GABRB1: variants seen among roughly 807,000 people sequenced by gnomAD.
GABRB1 encodes gamma-aminobutyric acid type A receptor subunit beta1, also known as gamma-aminobutyric acid receptor subunit beta-1.
GABRB1 carries 17 observed loss-of-function variants against 51.6 expected under a neutral mutation model. The observed-to-expected ratio is 0.33, with a 90% confidence interval of 0.23 to 0.49. The LOEUF (loss-of-function observed/expected upper bound fraction) is 0.49, where lower values mean the gene tolerates loss of function less well. Ranked by LOEUF, GABRB1 falls within the 20% of genes least tolerant of loss-of-function variation. GABRB1 has a pLI of 0.99. For missense variants in GABRB1, 410 were observed against 600.6 expected (o/e 0.68, Z 3.32); for synonymous variants, 247 against 218.9 (o/e 1.13, Z -1.14).
At chr4:47,410,194 A>G (rs1728713230) in intron 8 of GABRB1, among the ~76,000 whole-genome samples, 1 of 152,224 alleles carries the variant, frequency 6.6e-6, no homozygotes, top group Admixed American at 6.5e-5. Context: ...ATCCATGGAA[A>G]GTTAGACTAC....
At chr4:47,259,894 T>C (rs192869669) in intron 4 of GABRB1, among the ~76,000 whole-genome samples, 4 of 152,296 alleles carry the variant, frequency 2.6e-5, no homozygotes, top group Admixed American at 2.0e-4. Flanking sequence ...GAGCTTTCTG[T>C]CTCGTTGATC....
At chr4:47,391,971 G>A (rs1189285611) in intron 5 of GABRB1, among the ~76,000 whole-genome samples, 1 of 152,046 alleles carries the variant, frequency 6.6e-6, no homozygotes, top group Non-Finnish European at 1.5e-5. Context: ...TATTCTGCAT[G>A]GTATGTTCAG....
chr4:47,008,766 A>G (rs1266646938), intron 1 of GABRB1, among the ~76,000 whole-genome samples: 2 of 147,076 alleles, frequency 1.4e-5, no homozygotes, highest in Non-Finnish European at 3.0e-5. Flanking sequence ...GGCGTGAGCC[A>G]CTGCACCTAG....
chr4:47,089,987 G>T (rs1054695768), intron 3 of GABRB1, among the ~76,000 whole-genome samples: 1 of 152,112 alleles, frequency 6.6e-6, no homozygotes, highest in African/African-American at 2.4e-5. Flanking sequence ...TATAATACTA[G>T]AAAGTGATTT....
chr4:47,350,218 T>TATATATATATATATATAGAG (rs750199965), intron 5 of GABRB1, among the ~76,000 whole-genome samples: 2 of 56,656 alleles, frequency 3.5e-5, no homozygotes, highest in Admixed American at 2.2e-4. Flanking sequence ...TATATATATA[T>TATATATATATATATATAGAG]AGAGAGAGAG....
At chr4:47,107,510 A>G (rs1715017865) in intron 3 of GABRB1, among the ~76,000 whole-genome samples, 1 of 152,090 alleles carries the variant, frequency 6.6e-6, no homozygotes, top group Non-Finnish European at 1.5e-5. Context: ...TTTCAGTACA[A>G]CAATAATGAC....
intron 5 of GABRB1, among the ~76,000 whole-genome samples, chr4:47,327,925 C>G (rs1315951966): frequency 6.6e-6 from 1 of 152,174 alleles, no homozygotes; most frequent in Non-Finnish European, 1.5e-5. Flanking sequence ...ACAGTCCCAC[C>G]AACAGTGTCA....
chr4:47,422,884 A>T (rs77597827), intron 8 of GABRB1, among the ~76,000 whole-genome samples: 1 of 152,138 alleles, frequency 6.6e-6, no homozygotes, highest in Non-Finnish European at 1.5e-5. Flanking sequence ...TTTCCAGGTC[A>T]CCTTCACTTC....
chr4:47,313,114 C>T (rs190200285), intron 4 of GABRB1, among the ~76,000 whole-genome samples: 249 of 152,184 alleles, frequency 1.6e-3, no homozygotes, highest in Admixed American at 2.1e-3. Context: ...AGTGTTCTGA[C>T]CTAACTTTCA....
intron 4 of GABRB1, among the ~76,000 whole-genome samples, chr4:47,201,511 T>G (rs966184253): frequency 6.6e-5 from 10 of 152,112 alleles, no homozygotes; most frequent in African/African-American, 2.4e-4. Flanking sequence ...AATGGAATAA[T>G]AAGGAAAATT....
chr4:47,195,390 TAGATGATAGATAGATA>T (rs1473213179), intron 4 of GABRB1, among the ~76,000 whole-genome samples: 1 of 32,434 alleles, frequency 3.1e-5, no homozygotes, highest in Non-Finnish European at 8.3e-5. Flanking sequence ...GATAGATAGA[TAGATGATAGATAGATA>T]GATAGATAGA....
intron 4 of GABRB1, among the ~76,000 whole-genome samples, chr4:47,172,326 G>A (rs6447538): frequency 0.86 from 130,978 of 152,160 alleles, 56,388 homozygotes; most frequent in Middle Eastern, 0.92. Context: ...GGATATATTT[G>A]CAGTAAGCTT....
In GABRB1 at chr4:47,186,900, C is replaced by T. The variant is rs373206399; in HGVS notation, c.461+25431C>T. 1.1e-4 allele frequency among the ~76,000 whole-genome samples: 16 copies of T among 151,962 alleles called. No homozygotes were observed. The East Asian group carries it at 1.2e-3, about 11-fold the overall frequency. On this transcript the variant is annotated intron_variant, in intron 4 of 8. Transcript: ENST00000295454. ...TATTCAGTGCTTACTATATGGCACA[C>T]ACTGTGAAAAACAGTTTGCATTAAT...
At chr4:47,063,969 A>G (rs1299931146) in intron 3 of GABRB1, among the ~76,000 whole-genome samples, 1 of 152,196 alleles carries the variant, frequency 6.6e-6, no homozygotes. Context: ...TGTGAGGTGC[A>G]GCAAACCACC....
chr4:47,294,132 T>C (rs1438674515), intron 4 of GABRB1, among the ~76,000 whole-genome samples: 2 of 152,156 alleles, frequency 1.3e-5, no homozygotes, highest in African/African-American at 2.4e-5. Flanking sequence ...GCAGCCAAGA[T>C]GGCCAAATAG....
At chr4:47,233,561 T>C (rs1187798586) in intron 4 of GABRB1, among the ~76,000 whole-genome samples, 2 of 152,212 alleles carry the variant, frequency 1.3e-5, no homozygotes, top group African/African-American at 2.4e-5. Context: ...ATTTTGTTAT[T>C]ATTTGAAGAA....
At chr4:47,016,749 C>T (rs748726012) in intron 1 of GABRB1, among the ~76,000 whole-genome samples, 2 of 151,960 alleles carry the variant, frequency 1.3e-5, no homozygotes, top group Non-Finnish European at 2.9e-5. Context: ...CCACCATGCC[C>T]AGGCTAATTT....
At chr4:47,077,658 G>T (rs550442009) in intron 3 of GABRB1, among the ~76,000 whole-genome samples, 1 of 151,126 alleles carries the variant, frequency 6.6e-6, no homozygotes, top group Admixed American at 6.6e-5. Flanking sequence ...GTTTGCCTAC[G>T]GAATATCACA....
chr4:47,046,449 G>T (rs1726091910), intron 3 of GABRB1, among the ~76,000 whole-genome samples: 1 of 151,970 alleles, frequency 6.6e-6, no homozygotes, highest in African/African-American at 2.4e-5. Flanking sequence ...AAAAATTATA[G>T]GATTTACTTT....
Sources: gnomAD v4.1 joint callset for allele counts (sites outside exome capture counted in the v4.1 genomes callset) on GRCh38, gnomAD v4.1.1 for gene constraint, MANE v1.5 for transcripts, NCBI Gene and HGNC (gene_info 2026-07-23, HGNC 2026-07-21) for gene names.